CLASP1: variants seen among roughly 807,000 people sequenced by gnomAD.
CLASP1 encodes cytoplasmic linker associated protein 1.
Under a neutral mutation model 192.3 loss-of-function variants are expected in CLASP1, and 38 were observed. The observed-to-expected ratio is 0.20, with a 90% CI of 0.15 to 0.26. The LOEUF (loss-of-function observed/expected upper bound fraction) is 0.26. Among genes scored for constraint, CLASP1 ranks in the 10% least tolerant of loss-of-function variants. The pLI is 1.00. For missense variants in CLASP1, 1,433 were observed against 1,932.5 expected (o/e 0.74, Z 4.85); for synonymous variants, 691 against 712.8 (o/e 0.97, Z 0.49).
intron 2 of CLASP1, among the ~76,000 whole-genome samples, chr2:121,552,828 T>A (rs1170427643): frequency 6.6e-6 from 1 of 152,210 alleles, no homozygotes; most frequent in Non-Finnish European, 1.5e-5. Flanking sequence ...GACCTAGCAA[T>A]CCCATTACTG....
chr2:121,470,291 T>C (rs2090451113), intron 8 of CLASP1: 3 of 446,422 alleles, frequency 6.7e-6, no homozygotes, highest in African/African-American at 5.4e-5. Context: ...TGACCATCCA[T>C]GCTTTTTTTT....
chr2:121,575,406 T>TA (rs1225017772), intron 2 of CLASP1, among the ~76,000 whole-genome samples: 1 of 152,106 alleles, frequency 6.6e-6, no homozygotes, highest in African/African-American at 2.4e-5. Context: ...CATACCCAGC[T>TA]ACATTAATTT....
chr2:121,419,980 A>G (rs1039333501), intron 22 of CLASP1, among the ~76,000 whole-genome samples: 2 of 152,222 alleles, frequency 1.3e-5, no homozygotes, highest in African/African-American at 4.8e-5. Context: ...AGAATGTCTT[A>G]TAAACCAGAA....
chr2:121,480,548 T>A (rs918526778), intron 8 of CLASP1, among the ~76,000 whole-genome samples: 5 of 152,202 alleles, frequency 3.3e-5, no homozygotes, highest in African/African-American at 1.2e-4. Flanking sequence ...GGGGCAGAGC[T>A]GTAACGTCAC....
intron 1 of CLASP1, among the ~76,000 whole-genome samples, chr2:121,613,629 T>A (rs12994615): frequency 0.2 from 29,027 of 148,794 alleles, 5,002 homozygotes; most frequent in African/African-American, 0.46. Flanking sequence ...CCTTTTTTTT[T>A]AAAAAAAAAA....
intron 1 of CLASP1, among the ~76,000 whole-genome samples, chr2:121,615,546 C>T (rs1378695073): frequency 6.6e-6 from 1 of 151,868 alleles, no homozygotes; most frequent in Non-Finnish European, 1.5e-5. Context: ...CCTGTAATCC[C>T]AGCATTTTCA....
At chr2:121,474,653 G>A (rs1263965270) in intron 8 of CLASP1, among the ~76,000 whole-genome samples, 5 of 152,202 alleles carry the variant, frequency 3.3e-5, no homozygotes, top group Admixed American at 6.5e-5. Flanking sequence ...GGAGAATGGC[G>A]TGAACCCAAG....
chr2:121,390,162 C>A (rs926110923), intron 30 of CLASP1, among the ~76,000 whole-genome samples: 2 of 152,286 alleles, frequency 1.3e-5, no homozygotes, highest in Admixed American at 1.3e-4. Flanking sequence ...GGAATCCAAG[C>A]AAGGAAGAAA....
At position 121,541,631 on chromosome 2, in the gene CLASP1, G is replaced by A. The variant is rs569840701; in HGVS notation, c.196-11306C>T. Among the ~76,000 whole-genome samples, 10 of 152,028 alleles carry A rather than the reference G, an allele frequency of 6.6e-5. No individual in the cohort carries two copies. The South Asian group carries it at 1.2e-3, about 19-fold the overall frequency. On this transcript the variant is annotated intron_variant, in intron 2 of 39. Transcript: ENST00000263710. ...TCGGATAACTTCAAACGTCAGCCTC[G>A]GCGCTACACCTCTCTGAGGCTCTGG...
chr2:121,594,520 G>A (rs1352701847), intron 2 of CLASP1, among the ~76,000 whole-genome samples: 1 of 151,254 alleles, frequency 6.6e-6, no homozygotes, highest in Non-Finnish European at 1.5e-5. Context: ...AGCCTCCCGA[G>A]TAGCTGGGAC....
chr2:121,470,005 C>CTA, intron 8 of CLASP1, 45 bp from the exon 9 acceptor site: 1 of 1,424,950 alleles, frequency 7.0e-7, no homozygotes, highest in Non-Finnish European at 9.7e-7. Context: ...AAAACAAAAA[C>CTA]TATATATACA....
chr2:121,462,243 A>G (rs1438973508), intron 10 of CLASP1, among the ~76,000 whole-genome samples: 1 of 151,822 alleles, frequency 6.6e-6, no homozygotes. Flanking sequence ...AAATAAATAT[A>G]CTTTTTTTAT....
intron 2 of CLASP1, among the ~76,000 whole-genome samples, chr2:121,540,299 GA>G (rs1366635776): frequency 6.6e-6 from 1 of 152,158 alleles, no homozygotes; most frequent in African/African-American, 2.4e-5. Flanking sequence ...AATCTTGTAA[GA>G]ATGAATCAAA....
intron 2 of CLASP1, among the ~76,000 whole-genome samples, chr2:121,593,788 A>AGATCG (rs2062739177): frequency 6.6e-6 from 1 of 151,382 alleles, no homozygotes; most frequent in African/African-American, 2.4e-5. Flanking sequence ...AGGTGGGTGG[A>AGATCG]TCACCTGAGG....
intron 5 of CLASP1, among the ~76,000 whole-genome samples, chr2:121,527,586 G>A (rs1255601717): frequency 1.3e-5 from 2 of 152,062 alleles, no homozygotes; most frequent in Non-Finnish European, 2.9e-5. Context: ...AGAAATTTGC[G>A]CAAGTTCTAG....
At chr2:121,579,599 T>C (rs190132814) in intron 2 of CLASP1, among the ~76,000 whole-genome samples, 1 of 152,352 alleles carries the variant, frequency 6.6e-6, no homozygotes, top group Admixed American at 6.5e-5. Flanking sequence ...TCAAAGGATC[T>C]CCATTCTATG....
chr2:121,439,335 T>C lies in CLASP1; in HGVS notation c.1912+8002A>G, dbSNP rs547731327. On this transcript the variant is annotated intron_variant, in intron 19 of 39. Coordinates refer to ENST00000263710, the Ensembl canonical transcript of CLASP1. ...TTTGTGTGTCTATTTCCTTCAGTTC[T>C]GCTCTGATTTTAGTTATTTCTTGCC... Among the ~76,000 whole-genome samples the C allele has an allele frequency of 4.3e-4, 66 of 152,354 alleles. 3 individuals carry two copies. In the South Asian group the frequency reaches 0.013, roughly 30 times the overall value.
intron 32 of CLASP1, among the ~76,000 whole-genome samples, chr2:121,385,090 G>A (rs1411037721): frequency 1.3e-5 from 2 of 152,174 alleles, no homozygotes; most frequent in East Asian, 1.9e-4. Context: ...CCTTAAATGA[G>A]GTAACCTAGT....
At chr2:121,575,683 G>A (rs1162116373) in intron 2 of CLASP1, among the ~76,000 whole-genome samples, 1 of 152,154 alleles carries the variant, frequency 6.6e-6, no homozygotes, top group East Asian at 1.9e-4. Context: ...TAAAGCAAGT[G>A]TTCACAACTC....
Sources: allele counts gnomAD v4.1 joint callset (sites outside exome capture counted in the v4.1 genomes callset), GRCh38; gene constraint gnomAD v4.1.1; transcripts MANE v1.5; gene names NCBI Gene and HGNC (gene_info 2026-07-23, HGNC 2026-07-21).